The following UGT3A2 variants were observed in gnomAD, a reference collection of about 807,000 sequenced individuals.
The protein encoded by UGT3A2 is UDP-glycosyltransferase 3A2.
In UGT3A2, 32 loss-of-function variants were observed where a neutral mutation model predicts 39.8. The observed-to-expected ratio is 0.80, with a 90% CI of 0.61 to 1.08. The LOEUF is 1.08. Ranked by LOEUF, UGT3A2 falls within the 50% of genes least tolerant of loss-of-function variation. UGT3A2 has a pLI of 0.00. For synonymous variants in UGT3A2, 241 were observed against 230.7 expected, an observed-to-expected ratio of 1.04 and a Z score of -0.40; for missense variants, 611 against 637.1, an observed-to-expected ratio of 0.96 and a Z score of 0.44.
Position 36,035,232 on chromosome 5 carries a change from C to G in UGT3A2, c.*466G>C, listed in dbSNP as rs555377365. 2 of 179,498 alleles carry G rather than the reference C, an allele frequency of 1.1e-5. No homozygotes were observed. Among genetic ancestry groups the G allele is most frequent in the South Asian group, 2.5e-4 (2 of 8,078 alleles). 11.1% of individuals were successfully genotyped at this position (179,498 alleles called of 1,614,324 possible). ...GAAGAGAATATGTGGGAGAACAAAA[C>G]AGAAACTGAAAGAATATGCAAGGTG... On this transcript the variant is annotated 3_prime_UTR_variant, in exon 7 of 7. Transcript: ENST00000282507.
intron 4 of UGT3A2, among the ~76,000 whole-genome samples, chr5:36,045,755 A>G (rs1426636300): frequency 6.6e-6 from 1 of 152,174 alleles, no homozygotes; most frequent in Non-Finnish European, 1.5e-5. Flanking sequence ...GCAGGCAACC[A>G]AAGGAAAAAT....
Position 36,053,312 on chromosome 5 carries a change from A to G in UGT3A2, c.197-1328T>C, listed in dbSNP as rs181316963. Among the ~76,000 whole-genome samples, 320 of 152,294 alleles carry G rather than the reference A, an allele frequency of 2.1e-3. 1 individual carries two copies. The highest frequency in any genetic ancestry group is 0.018 in the South Asian group (85 of 4,822). ...TTAGTTGAAGACCTCTCCATCCCCA[A>G]TACTATTAAGAAACAATTATTGAGC... On this transcript the variant is annotated intron_variant, in intron 2 of 6. Coordinates refer to ENST00000282507, the MANE Select transcript of UGT3A2 (RefSeq NM_174914.4).
chr5:36,060,652 C>T (rs774477301), intron 2 of UGT3A2, among the ~76,000 whole-genome samples: 3 of 152,106 alleles, frequency 2.0e-5, no homozygotes, highest in Non-Finnish European at 4.4e-5. Flanking sequence ...TTTTTACGTT[C>T]GTCATCCTTC....
At chr5:36,066,449 G>A (rs971444853) in intron 1 of UGT3A2, among the ~76,000 whole-genome samples, 7 of 152,132 alleles carry the variant, frequency 4.6e-5, no homozygotes, top group Admixed American at 3.9e-4. Flanking sequence ...CGGGATGGGG[G>A]CGCGTCCTGA....
In UGT3A2 at chr5:36,066,578, C is replaced by T. The variant is rs754850070; in HGVS notation, c.94+118G>A. ...GGCTTCTCCCTCCTCCAGCCGGGTC[C>T]GCAAGCCCAGCCTGGAAAATCACGT... On this transcript the variant is annotated intron_variant, in intron 1 of 6. Coordinates refer to ENST00000282507, the MANE Select transcript of UGT3A2 (RefSeq NM_174914.4). The T allele has an allele frequency of 4.5e-6, 7 of 1,559,614 alleles. No individual in the cohort carries two copies. In the African/African-American group the frequency reaches 5.4e-5, roughly 12 times the overall value.
chr5:36,044,686 A>T (rs898260587), intron 4 of UGT3A2, among the ~76,000 whole-genome samples: 1 of 152,224 alleles, frequency 6.6e-6, no homozygotes. Context: ...ATATGCCAAC[A>T]GTGAATAATC....
At chr5:36,050,745 C>T (rs1219759879) in intron 3 of UGT3A2, among the ~76,000 whole-genome samples, 1 of 151,812 alleles carries the variant, frequency 6.6e-6, no homozygotes, top group Non-Finnish European at 1.5e-5. Flanking sequence ...TCCTGTAATC[C>T]CAGCTACTTG....
chr5:36,043,625 C>A (rs1247149627), intron 4 of UGT3A2, among the ~76,000 whole-genome samples: 2 of 151,606 alleles, frequency 1.3e-5, no homozygotes, highest in Admixed American at 1.3e-4. Context: ...TTTAGCCAAA[C>A]TAAGAAAAGA....
chr5:36,051,723 AATCCATCCATCCGTCCATCC>A (rs1742348034), intron 3 of UGT3A2, 127 bp downstream of exon 3: 7 of 646,406 alleles, frequency 1.1e-5, no homozygotes, highest in Non-Finnish European at 1.9e-5. Flanking sequence ...TCCATCTATC[AATCCATCCATCCGTCCATCC>A]ATCCATCCAT....
At position 36,066,683 on chromosome 5, in the gene UGT3A2, G is replaced by A. The variant is rs1742889898; in HGVS notation, c.94+13C>T. 6.2e-7 allele frequency: 1 copy of A among 1,614,006 alleles called. No individual in the cohort carries two copies. Among genetic ancestry groups the A allele is most frequent in the African/African-American group, 1.3e-5 (1 of 75,026 alleles). On this transcript the variant is annotated intron_variant, in intron 1 of 6. Transcript: ENST00000282507. ...GACGCGCCTGTCTGGGAATTCTCCG[G>A]CCAAGCACTCACCTACTGTAGATAT...
At chr5:36,057,535 C>T (rs967890319) in intron 2 of UGT3A2, among the ~76,000 whole-genome samples, 4 of 141,870 alleles carry the variant, frequency 2.8e-5, no homozygotes, top group Non-Finnish European at 6.3e-5. Context: ...CTCTCTCTCT[C>T]TCTTTTTTTT....
chr5:36,035,941 G>A lies in UGT3A2; in HGVS notation c.1329C>T (p.Ile443=). 1 of 1,614,038 alleles carries A rather than the reference G, an allele frequency of 6.2e-7. No homozygotes were observed. The highest frequency in any genetic ancestry group is 8.5e-7 in the Non-Finnish European group (1 of 1,179,924). ...YKSAAVAASV[I]LRSHPLSPTQ... is the part of the protein sequence containing the mutation. ...TGGGGCTGAGCGGGTGGGAGCGCAG[G>A]ATGACACTGGCAGCCACTGCCGCGG... Residue 443 remains isoleucine (I), a synonymous_variant, in exon 7 of 7, where the codon ATC becomes ATT. Coordinates refer to ENST00000282507, the MANE Select transcript of UGT3A2 (RefSeq NM_174914.4).
chr5:36,039,671 C>T lies in UGT3A2; in HGVS notation c.881G>A (p.Gly294Asp). 1 of 1,614,166 alleles carries T rather than the reference C, an allele frequency of 6.2e-7. No homozygotes were observed. Among genetic ancestry groups the T allele is most frequent in the Non-Finnish European group, 8.5e-7 (1 of 1,180,024 alleles). The change falls in exon 5 of 7, where the codon GGT (glycine) becomes GAT (aspartate). Residue 294 changes from glycine (G) to aspartate (D), a missense_variant. Coordinates refer to ENST00000282507, the MANE Select transcript of UGT3A2 (RefSeq NM_174914.4). ...GGAGCCCAAGGTCACAAGGACAAAA[C>T]CAGAGTCCCCAAACTTGGCAATGAA... The part of the protein sequence containing the change: ...ENFIAKFGDS[G>D]FVLVTLGSMV...
Position 36,053,487 on chromosome 5 carries a change from C to T in UGT3A2, c.197-1503G>A, listed in dbSNP as rs144850683. Among the ~76,000 whole-genome samples the T allele has an allele frequency of 2.8e-4, 42 of 152,264 alleles. No homozygotes were observed. In the East Asian group the frequency reaches 8.1e-3, roughly 29 times the overall value. On this transcript the variant is annotated intron_variant, in intron 2 of 6. Coordinates refer to ENST00000282507, the MANE Select transcript of UGT3A2 (RefSeq NM_174914.4). ...CCACATTGCATAGGAACCCCTGTAA[C>T]AGAAGGCTCTAGAATCTGTCCAAGT...
In UGT3A2 at chr5:36,039,621, C is replaced by G. The variant is rs776973440; in HGVS notation, c.931G>C (p.Glu311Gln). Reference sequence around the variant, plus strand: ...GCATTGTTCATCTCCTTGAAGATTTCCGGATTCTGACAGGTGTTCACCATG... The same window carrying G: ...GCATTGTTCATCTCCTTGAAGATTTGCGGATTCTGACAGGTGTTCACCATG... ...GSMVNTCQNP[E>Q]IFKEMNNAFA... Residue 311 changes from glutamate (E) to glutamine (Q), a missense_variant, in exon 5 of 7, where the codon GAA becomes CAA. Coordinates refer to ENST00000282507, the MANE Select transcript of UGT3A2 (RefSeq NM_174914.4). 6.2e-7 allele frequency: 1 copy of G among 1,614,174 alleles called. No homozygotes were observed. Among genetic ancestry groups the G allele is most frequent in the South Asian group, 1.1e-5 (1 of 91,084 alleles).
At chr5:36,047,722 C>A (rs1278144043) in intron 4 of UGT3A2, among the ~76,000 whole-genome samples, 4 of 152,194 alleles carry the variant, frequency 2.6e-5, no homozygotes, top group African/African-American at 9.6e-5. Flanking sequence ...ATCCTCTTAA[C>A]AATGTCCTCC....
intron 2 of UGT3A2, among the ~76,000 whole-genome samples, chr5:36,054,685 GAAAGT>G (rs1742451124): frequency 1.3e-5 from 1 of 79,934 alleles, no homozygotes; most frequent in African/African-American, 3.7e-5. Context: ...GGGGCAAAAA[GAAAGT>G]AAAAAAAAAA....
intron 6 of UGT3A2, 127 bp downstream of exon 6, chr5:36,037,670 T>A: frequency 1.0e-6 from 1 of 965,920 alleles, no homozygotes; most frequent in East Asian, 2.5e-5. Flanking sequence ...TATTATCCCA[T>A]GTCCTGGAAA....
chr5:36,046,139 G>T (rs1581003410), intron 4 of UGT3A2, among the ~76,000 whole-genome samples: 1 of 152,296 alleles, frequency 6.6e-6, no homozygotes, highest in East Asian at 1.9e-4. Flanking sequence ...TGTGGAGAAA[G>T]CAAACTCGCA....
Sources: allele counts gnomAD v4.1 joint callset (sites outside exome capture counted in the v4.1 genomes callset), GRCh38; gene constraint gnomAD v4.1.1; transcripts MANE v1.5; gene names NCBI Gene and HGNC (gene_info 2026-07-23, HGNC 2026-07-21).